Variants in GALNT13 observed in about 807,000 individuals in gnomAD.
GALNT13 encodes polypeptide N-acetylgalactosaminyltransferase 13.
GALNT13 carries 28 observed loss-of-function variants against 64.2 expected under a neutral mutation model. The ratio of observed to expected loss-of-function variants is 0.44; its 90% CI spans 0.32 to 0.60. The LOEUF (loss-of-function observed/expected upper bound fraction) is 0.60, where lower values mean the gene tolerates loss of function less well. Among genes scored for constraint, GALNT13 ranks in the 20% least tolerant of loss-of-function variants. The pLI, the probability that GALNT13 is intolerant of heterozygous loss-of-function variation, is 0.05. For missense variants in GALNT13, 577 were observed against 669.8 expected, an observed-to-expected ratio of 0.86 and a Z score of 1.53; for synonymous variants, 214 against 224.6, an observed-to-expected ratio of 0.95 and a Z score of 0.42.
At chr2:153,976,370 C>A (rs1438803834) in intron 3 of GALNT13, among the ~76,000 whole-genome samples, 3 of 152,046 alleles carry the variant, frequency 2.0e-5, no homozygotes, top group African/African-American at 7.2e-5. Flanking sequence ...AGGTTTAGCA[C>A]CCATTTTAAT....
chr2:153,790,499 T>C, the GALNT13 span, among the ~76,000 whole-genome samples: 1 of 152,188 alleles, frequency 6.6e-6, no homozygotes, highest in African/African-American at 2.4e-5. Context: ...AACATCATAC[T>C]GAATGGACAA....
chr2:153,339,567 T>A, the GALNT13 span, among the ~76,000 whole-genome samples: 1 of 152,204 alleles, frequency 6.6e-6, no homozygotes, highest in Non-Finnish European at 1.5e-5. Flanking sequence ...GTAAGTTGTC[T>A]TTTTACTCCG....
intron 7 of GALNT13, among the ~76,000 whole-genome samples, chr2:154,248,242 G>A (rs1251999629): frequency 6.6e-6 from 1 of 152,020 alleles, no homozygotes; most frequent in Non-Finnish European, 1.5e-5. Context: ...ACCTAAATCA[G>A]TTATACTACA....
chr2:154,443,620 A>G lies in GALNT13; in HGVS notation c.1530+4894A>G, dbSNP rs1701416715. On this transcript the variant is annotated intron_variant, in intron 12 of 12. Transcript: ENST00000392825. ...AAAATATCTATTTTTTTAAATTAGT[A>G]TGTTTTAATACCAAGGTATGGCCTA... 2.0e-5 allele frequency among the ~76,000 whole-genome samples: 3 copies of G among 152,034 alleles called. No homozygotes were observed. In the South Asian group the frequency reaches 6.2e-4, roughly 31 times the overall value.
At chr2:153,127,406 A>G in the GALNT13 span, among the ~76,000 whole-genome samples, 1 of 152,138 alleles carries the variant, frequency 6.6e-6, no homozygotes, top group Admixed American at 6.6e-5. Context: ...TATAAAATGG[A>G]AGTCACAGAA....
intron 3 of GALNT13, among the ~76,000 whole-genome samples, chr2:153,961,791 C>T (rs1692962176): frequency 6.6e-6 from 1 of 151,988 alleles, no homozygotes; most frequent in Non-Finnish European, 1.5e-5. Flanking sequence ...AATTGTCCAC[C>T]AATAAAATGG....
chr2:153,415,831 T>C, the GALNT13 span, among the ~76,000 whole-genome samples: 1 of 152,218 alleles, frequency 6.6e-6, no homozygotes, highest in African/African-American at 2.4e-5. Context: ...TCTCTGTCTA[T>C]TGTCAATCTA....
At chr2:153,271,479 G>A in the GALNT13 span, among the ~76,000 whole-genome samples, 2 of 151,392 alleles carry the variant, frequency 1.3e-5, no homozygotes, top group South Asian at 4.2e-4. Context: ...ACCAATAATA[G>A]GCAGAGAACC....
chr2:154,265,372 T>C (rs531540008), intron 8 of GALNT13, among the ~76,000 whole-genome samples: 1 of 152,072 alleles, frequency 6.6e-6, no homozygotes, highest in Non-Finnish European at 1.5e-5. Context: ...ATAACCTAAC[T>C]GGTGAACTCT....
intron 4 of GALNT13, among the ~76,000 whole-genome samples, chr2:154,218,184 C>T (rs1032712798): frequency 6.6e-6 from 1 of 152,050 alleles, no homozygotes; most frequent in African/African-American, 2.4e-5. Context: ...ATCAGTTTCT[C>T]AGCAGTGAGC....
At chr2:153,419,270 A>ATCATG in the GALNT13 span, among the ~76,000 whole-genome samples, 48 of 152,330 alleles carry the variant, frequency 3.2e-4, no homozygotes, top group African/African-American at 1.1e-3. Context: ...CTCAATCAGT[A>ATCATG]TCATGAGAAC....
chr2:154,076,485 G>A (rs1363446939), intron 3 of GALNT13, among the ~76,000 whole-genome samples: 12 of 151,698 alleles, frequency 7.9e-5, no homozygotes, highest in African/African-American at 2.4e-4. Context: ...CATACTGAGA[G>A]ATTTAATAAA....
At chr2:153,382,808 A>T in the GALNT13 span, among the ~76,000 whole-genome samples, 13 of 152,212 alleles carry the variant, frequency 8.5e-5, no homozygotes, top group South Asian at 2.1e-4. Flanking sequence ...TTACTCTATG[A>T]CAAAATCCTG....
chr2:153,649,799 T>A, the GALNT13 span, among the ~76,000 whole-genome samples: 1 of 152,180 alleles, frequency 6.6e-6, no homozygotes, highest in Non-Finnish European at 1.5e-5. Context: ...TAATTCTGAG[T>A]TCTAGTTTGA....
At chr2:153,924,408 G>A (rs1450366353) in intron 2 of GALNT13, among the ~76,000 whole-genome samples, 1 of 152,034 alleles carries the variant, frequency 6.6e-6, no homozygotes, top group Non-Finnish European at 1.5e-5. Context: ...TTTTATGGCT[G>A]CATAATATTC....
chr2:154,121,539 G>A (rs1488939794), intron 3 of GALNT13, among the ~76,000 whole-genome samples: 1 of 151,936 alleles, frequency 6.6e-6, no homozygotes, highest in Admixed American at 6.6e-5. Flanking sequence ...TACATATTAT[G>A]TAACATTTAC....
At chr2:154,114,715 T>A (rs1348049331) in intron 3 of GALNT13, among the ~76,000 whole-genome samples, 1 of 152,216 alleles carries the variant, frequency 6.6e-6, no homozygotes, top group Non-Finnish European at 1.5e-5. Flanking sequence ...TTTGTCCATT[T>A]GACCTAGAAG....
chr2:154,382,033 A>T (rs1015426880), intron 9 of GALNT13, among the ~76,000 whole-genome samples: 4 of 152,120 alleles, frequency 2.6e-5, no homozygotes, highest in African/African-American at 4.8e-5. Flanking sequence ...CACAGCTATG[A>T]TATAATTCAA....
chr2:154,126,477 T>C (rs1178007058), intron 3 of GALNT13, among the ~76,000 whole-genome samples: 1 of 151,182 alleles, frequency 6.6e-6, no homozygotes, highest in Non-Finnish European at 1.5e-5. Flanking sequence ...CTACTAAAAA[T>C]ACAAAAAATC....
Sources: allele counts gnomAD v4.1 joint callset (sites outside exome capture counted in the v4.1 genomes callset), GRCh38; gene constraint gnomAD v4.1.1; transcripts MANE v1.5; gene names NCBI Gene and HGNC (gene_info 2026-07-23, HGNC 2026-07-21).